PLEKHM3: variants seen among roughly 807,000 people sequenced by gnomAD.
PLEKHM3 encodes the protein pleckstrin homology domain containing M3.
PLEKHM3 carries 45 observed loss-of-function variants against 81.8 expected under a neutral mutation model. That is an observed-to-expected ratio of 0.55 (90% confidence interval 0.43 to 0.71). PLEKHM3 has a LOEUF of 0.71. Among genes scored for constraint, PLEKHM3 ranks in the 30% least tolerant of loss-of-function variants. The pLI is 0.00. For missense variants in PLEKHM3, 788 were observed against 924.3 expected, an observed-to-expected ratio of 0.85 and a Z score of 1.91; for synonymous variants, 352 against 356.4, an observed-to-expected ratio of 0.99 and a Z score of 0.14.
chr2:207,888,519 C>T (rs772271541), intron 6 of PLEKHM3, among the ~76,000 whole-genome samples: 5 of 152,152 alleles, frequency 3.3e-5, no homozygotes, highest in Non-Finnish European at 7.3e-5. Flanking sequence ...ACCTCAGCCT[C>T]CCGAGTAGCT....
At chr2:207,869,622 C>G (rs1308882933) in intron 6 of PLEKHM3, among the ~76,000 whole-genome samples, 1 of 152,162 alleles carries the variant, frequency 6.6e-6, no homozygotes, top group South Asian at 2.1e-4. Flanking sequence ...ACTTTATTGC[C>G]CTGTAACACA....
chr2:207,971,378 T>C (rs1240258364), intron 3 of PLEKHM3, among the ~76,000 whole-genome samples: 1 of 152,164 alleles, frequency 6.6e-6, no homozygotes, highest in East Asian at 1.9e-4. Context: ...TGACTATAGT[T>C]AACAATAATA....
chr2:207,885,968 T>C (rs1687874007), intron 6 of PLEKHM3, among the ~76,000 whole-genome samples: 1 of 152,218 alleles, frequency 6.6e-6, no homozygotes, highest in South Asian at 2.1e-4. Flanking sequence ...GGAAGAATCA[T>C]ATCTGAGCAG....
chr2:207,966,640 C>T (rs541336711), intron 3 of PLEKHM3, among the ~76,000 whole-genome samples: 1 of 152,260 alleles, frequency 6.6e-6, no homozygotes, highest in South Asian at 2.1e-4. Context: ...GCAACCTCCA[C>T]CTCCCGGGTT....
At chr2:207,937,563 C>A in intron 4 of PLEKHM3, among the ~76,000 whole-genome samples, 1 of 145,564 alleles carries the variant, frequency 6.9e-6, no homozygotes, top group African/African-American at 2.5e-5. Flanking sequence ...GAGCACGACA[C>A]TGTCTCTAAA....
At chr2:208,000,164 C>T (rs529155961) in intron 2 of PLEKHM3, among the ~76,000 whole-genome samples, 7 of 152,246 alleles carry the variant, frequency 4.6e-5, no homozygotes, top group Non-Finnish European at 5.9e-5. Context: ...CAAGACCCTC[C>T]GCCATGAGGG....
In PLEKHM3 at chr2:207,896,011, C is replaced by T. The variant is rs146682444; in HGVS notation, c.1950+12503G>A. ...CTGAAGGTGCTGAGCCTACACTCAG[C>T]GACCTGGCTCTCATTCCAGGTTCCT... On this transcript the variant is annotated intron_variant, in intron 6 of 7. Coordinates refer to ENST00000427836, the MANE Select transcript of PLEKHM3 (RefSeq NM_001080475.3). Among the ~76,000 whole-genome samples, 476 of 152,310 alleles carry T rather than the reference C, an allele frequency of 3.1e-3. 2 individuals carry two copies. The highest frequency in any genetic ancestry group is 0.01 in the African/African-American group (432 of 41,580).
At chr2:207,948,349 C>CTTTTTTTT (rs752976462) in intron 3 of PLEKHM3, among the ~76,000 whole-genome samples, 22 of 81,066 alleles carry the variant, frequency 2.7e-4, no homozygotes, top group African/African-American at 3.8e-4. Context: ...CTCCTCAGAT[C>CTTTTTTTT]TTTTTTTTTT....
At chr2:207,860,151 CTGTGTGTGTG>C (rs55739776) in intron 7 of PLEKHM3, among the ~76,000 whole-genome samples, 1,775 of 110,720 alleles carry the variant, frequency 0.016, 13 homozygotes, top group African/African-American at 0.024. Context: ...AACTCTGCCT[CTGTGTGTGTG>C]TGTGTGTGTG....
intron 7 of PLEKHM3, among the ~76,000 whole-genome samples, chr2:207,850,099 G>C (rs2092404696): frequency 6.6e-6 from 1 of 152,076 alleles, no homozygotes; most frequent in Non-Finnish European, 1.5e-5. Context: ...TCGCTTTCTA[G>C]CAACCCCCTA....
rs139080052 is a variant in PLEKHM3 at position 207,858,815 on chromosome 2, C to T, written c.2108+2290G>A. ...TTTTATTGCAATATAATTCACGTAC[C>T]ATAAAACTCACCCCTTTAAAGTATA... On this transcript the variant is annotated intron_variant, in intron 7 of 7. Transcript: ENST00000427836. Among the ~76,000 whole-genome samples the T allele has an allele frequency of 2.2e-3, 332 of 152,132 alleles. 7 individuals are homozygous for T. In the South Asian group the frequency reaches 0.042, roughly 19 times the overall value.
Position 207,989,311 on chromosome 2 carries a change from G to A in PLEKHM3, c.610+11719C>T, listed in dbSNP as rs1013935747. Among the ~76,000 whole-genome samples, 4 of 152,180 alleles carry A rather than the reference G, an allele frequency of 2.6e-5. No homozygotes were observed. In the East Asian group the frequency reaches 5.8e-4, roughly 22 times the overall value. ...TAAAGTACTCAGAGCCTTCTAACAC[G>A]CAAGAGAAGAAAGAGAGGGCTTTTG... On this transcript the variant is annotated intron_variant, in intron 2 of 7. Transcript: ENST00000427836.
chr2:207,981,026 G>T lies in PLEKHM3; in HGVS notation c.611-3440C>A, dbSNP rs1048611463. Among the ~76,000 whole-genome samples, 3 of 151,414 alleles carry T rather than the reference G, an allele frequency of 2.0e-5. No homozygotes were observed. The South Asian group carries it at 6.2e-4, about 31-fold the overall frequency. ...GCCTGTAATCCCAGCTACTCGGGAG[G>T]CTAAGGCAGGAGAATCACTTGAACC... is the stretch of plus-strand genomic sequence containing the variant. On this transcript the variant is annotated intron_variant, in intron 2 of 7. Transcript: ENST00000427836.
chr2:207,833,195 CA>C (rs1002744259), intron 7 of PLEKHM3, among the ~76,000 whole-genome samples: 9 of 151,428 alleles, frequency 5.9e-5, no homozygotes, highest in Non-Finnish European at 1.2e-4. Context: ...TATGATTTAG[CA>C]CATACAACTT....
intron 1 of PLEKHM3, among the ~76,000 whole-genome samples, chr2:208,002,906 A>C (rs1326040877): frequency 2.0e-5 from 3 of 151,606 alleles, no homozygotes; most frequent in Non-Finnish European, 4.4e-5. Flanking sequence ...ACCTTTTACC[A>C]GGAAAAAAAA....
intron 7 of PLEKHM3, among the ~76,000 whole-genome samples, chr2:207,846,856 TCTAA>T (rs1424426573): frequency 5.3e-5 from 8 of 152,336 alleles, no homozygotes; most frequent in African/African-American, 1.7e-4. Flanking sequence ...TCAATATGAT[TCTAA>T]CTATTTAAAA....
chr2:207,972,519 G>A (rs1325655607), intron 3 of PLEKHM3, among the ~76,000 whole-genome samples: 1 of 151,336 alleles, frequency 6.6e-6, no homozygotes, highest in Admixed American at 6.6e-5. Context: ...CCCAGGAGGC[G>A]GAGGTTGCAG....
chr2:207,952,590 AAAGTCCTCCCTGGGATTAGCAC>A (rs1224730099), intron 3 of PLEKHM3, among the ~76,000 whole-genome samples: 9 of 152,242 alleles, frequency 5.9e-5, no homozygotes, highest in Non-Finnish European at 1.0e-4. Context: ...TATACAATTC[AAAGTCCTCCCTGGGATTAGCAC>A]AAAGTTGGGC....
At chr2:207,868,421 C>G (rs1311154831) in intron 6 of PLEKHM3, among the ~76,000 whole-genome samples, 1 of 152,060 alleles carries the variant, frequency 6.6e-6, no homozygotes, top group Non-Finnish European at 1.5e-5. Flanking sequence ...ACTCAGTTGT[C>G]TCTGGGTATT....
Sources: gnomAD v4.1 joint callset for allele counts (sites outside exome capture counted in the v4.1 genomes callset) on GRCh38, gnomAD v4.1.1 for gene constraint, MANE v1.5 for transcripts, NCBI Gene and HGNC (gene_info 2026-07-23, HGNC 2026-07-21) for gene names.